Variants in DDHD1 observed in about 807,000 individuals in gnomAD.
DDHD1 encodes phospholipase DDHD1.
A neutral mutation model predicts 96.4 loss-of-function variants in DDHD1; 49 were observed. The ratio of observed to expected loss-of-function variants is 0.51; its 90% CI spans 0.40 to 0.64. DDHD1 has a LOEUF of 0.64. Ranked by LOEUF, DDHD1 falls within the 30% of genes least tolerant of loss-of-function variation. DDHD1 has a pLI of 0.00. For synonymous variants in DDHD1, 442 were observed against 446.5 expected (o/e 0.99, Z 0.13); for missense variants, 1,106 against 1,161.2 (o/e 0.95, Z 0.69).
chr14:53,122,584 T>TTG (rs1303178329), intron 1 of DDHD1, among the ~76,000 whole-genome samples: 1 of 148,584 alleles, frequency 6.7e-6, no homozygotes, highest in Non-Finnish European at 1.5e-5. Context: ...TGCTAATAGT[T>TTG]TTTTTTTTTT....
At chr14:53,122,629 G>A (rs576913371) in intron 1 of DDHD1, among the ~76,000 whole-genome samples, 2 of 151,080 alleles carry the variant, frequency 1.3e-5, no homozygotes, top group South Asian at 4.2e-4. Flanking sequence ...CCAGGCTGGA[G>A]TGCAGTGGTG....
At chr14:53,133,708 C>T (rs149207024) in intron 1 of DDHD1, among the ~76,000 whole-genome samples, 36 of 152,222 alleles carry the variant, frequency 2.4e-4, no homozygotes, top group African/African-American at 8.4e-4. Flanking sequence ...AGTCTCATTC[C>T]AGACACCAGC....
intron 4 of DDHD1, among the ~76,000 whole-genome samples, chr14:53,086,972 C>CAAAAAAAAAAA (rs60569444): frequency 6.1e-4 from 32 of 52,206 alleles, no homozygotes; most frequent in South Asian, 9.9e-4. Flanking sequence ...AAATGAAAAG[C>CAAAAAAAAAAA]AAAAAAAAAA....
At chr14:53,104,747 A>G (rs1267476242) in intron 1 of DDHD1, among the ~76,000 whole-genome samples, 1 of 152,126 alleles carries the variant, frequency 6.6e-6, no homozygotes, top group Non-Finnish European at 1.5e-5. Flanking sequence ...TGAATTCTTT[A>G]AAACAATTTT....
At chr14:53,067,204 G>C (rs1175970012) in intron 6 of DDHD1, among the ~76,000 whole-genome samples, 3 of 151,064 alleles carry the variant, frequency 2.0e-5, no homozygotes. Context: ...TGTGGCCCAG[G>C]CTGGAGTGCA....
intron 3 of DDHD1, chr14:53,092,555 T>C (rs61075663): frequency 1.3e-5 from 2 of 152,318 alleles, no homozygotes; most frequent in East Asian, 3.9e-4. Context: ...CTCTAAACAG[T>C]TGTCAGGCCA....
intron 1 of DDHD1, among the ~76,000 whole-genome samples, chr14:53,127,241 A>G (rs1337225391): frequency 6.6e-6 from 1 of 152,252 alleles, no homozygotes; most frequent in Non-Finnish European, 1.5e-5. Context: ...ATTAAGTATT[A>G]TTGGCAACCT....
chr14:53,080,452 G>A (rs1317166305), intron 4 of DDHD1, among the ~76,000 whole-genome samples: 7 of 152,038 alleles, frequency 4.6e-5, no homozygotes, highest in Non-Finnish European at 1.0e-4. Flanking sequence ...TTCCTATAAG[G>A]TGGTTGAACA....
At chr14:53,095,019 C>A (rs1323712800) in intron 2 of DDHD1, among the ~76,000 whole-genome samples, 1 of 152,090 alleles carries the variant, frequency 6.6e-6, no homozygotes, top group Non-Finnish European at 1.5e-5. Flanking sequence ...AACAGAATGT[C>A]CTATCACAGT....
chr14:53,146,870 G>A (rs1470502763), intron 1 of DDHD1, among the ~76,000 whole-genome samples: 2 of 151,364 alleles, frequency 1.3e-5, no homozygotes, highest in Non-Finnish European at 2.9e-5. Context: ...TGAACTTTTA[G>A]AGTGTATTGT....
intron 1 of DDHD1, among the ~76,000 whole-genome samples, chr14:53,151,458 T>C (rs528743384): frequency 7.2e-5 from 11 of 152,366 alleles, no homozygotes; most frequent in African/African-American, 2.2e-4. Context: ...CCCGTCTGTG[T>C]TGTTGTCTAA....
At chr14:53,098,977 T>C (rs897883378) in intron 2 of DDHD1, among the ~76,000 whole-genome samples, 1 of 152,028 alleles carries the variant, frequency 6.6e-6, no homozygotes, top group Non-Finnish European at 1.5e-5. Context: ...TACAAATATA[T>C]TTATATTTGT....
intron 1 of DDHD1, among the ~76,000 whole-genome samples, chr14:53,119,229 T>C (rs142912713): frequency 6.0e-4 from 92 of 152,298 alleles, no homozygotes; most frequent in African/African-American, 2.1e-3. Flanking sequence ...GTAAAGACCA[T>C]TGATGCTATG....
intron 1 of DDHD1, among the ~76,000 whole-genome samples, chr14:53,119,721 G>A (rs4898782): frequency 0.73 from 111,483 of 152,118 alleles, 43,696 homozygotes; most frequent in East Asian, 0.98. Flanking sequence ...TATCTCAATC[G>A]ATGCAGAAAC....
rs1555330109 is a variant in DDHD1, at chr14:53,054,495, T to G, written c.2380A>C (p.Thr794Pro). 6.2e-7 allele frequency: 1 copy of G among 1,614,158 alleles called. No homozygotes were observed. The part of the protein sequence containing the change: ...EKKPVASPSA[T>P]TVGTQTLPHS... ...GGAAGGGTCTGTGTCCCTACGGTGG[T>G]AGCAGAAGGTGAGGCAACTGGCTTC... Residue 794 changes from threonine to proline, a missense_variant, in exon 11 of 13, where the codon ACC (threonine) becomes CCC (proline). By Grantham distance (38) the Thr-to-Pro change is conservative. Coordinates refer to ENST00000673822, the MANE Select transcript of DDHD1 (RefSeq NM_001160148.2).
At chr14:53,133,621 T>C (rs753605427) in intron 1 of DDHD1, among the ~76,000 whole-genome samples, 6 of 152,176 alleles carry the variant, frequency 3.9e-5, no homozygotes, top group Non-Finnish European at 8.8e-5. Context: ...CTTCTCAGAA[T>C]TCGGGCCTGT....
intron 1 of DDHD1, among the ~76,000 whole-genome samples, chr14:53,144,076 A>T (rs1389027379): frequency 1.3e-5 from 2 of 152,250 alleles, no homozygotes; most frequent in Non-Finnish European, 2.9e-5. Flanking sequence ...TATACATGAG[A>T]CATAGTAGCA....
intron 1 of DDHD1, among the ~76,000 whole-genome samples, chr14:53,139,089 A>AC (rs1566602225): frequency 2.2e-5 from 2 of 91,684 alleles, no homozygotes; most frequent in Non-Finnish European, 5.2e-5. Flanking sequence ...AAAAAAAAAA[A>AC]ACCACACCCA....
rs755747567 is a variant in DDHD1, at chr14:53,045,879, A to C, written c.*889T>G. The C allele has an allele frequency of 2.0e-5, 3 of 152,226 alleles. No individual in the cohort carries two copies. The highest frequency in any genetic ancestry group is 4.4e-5 in the Non-Finnish European group (3 of 68,040). The allele number at this position is 152,226 out of a possible 1,614,324, so 9.4% of individuals were successfully genotyped here. On this transcript the variant is annotated 3_prime_UTR_variant, in exon 13 of 13. Transcript: ENST00000673822. Reference sequence around the variant, plus strand: ...ATTTAAAATAGCTGTCATACTACCTATTCAAAAGCATTTACTAGTTTTCTA... The same window carrying C: ...ATTTAAAATAGCTGTCATACTACCTCTTCAAAAGCATTTACTAGTTTTCTA...
Sources: allele counts gnomAD v4.1 joint callset (sites outside exome capture counted in the v4.1 genomes callset), GRCh38; gene constraint gnomAD v4.1.1; transcripts MANE v1.5; gene names NCBI Gene and HGNC (gene_info 2026-07-23, HGNC 2026-07-21).